TNRC18: variants seen among roughly 807,000 people sequenced by gnomAD.
TNRC18 encodes trinucleotide repeat-containing gene 18 protein.
TNRC18 carries 69 observed loss-of-function variants against 226.7 expected under a neutral mutation model. The ratio of observed to expected loss-of-function variants is 0.30; its 90% confidence interval spans 0.25 to 0.37. The LOEUF is 0.37. Among genes scored for constraint, TNRC18 ranks in the 10% least tolerant of loss-of-function variants. The pLI is 1.00. For missense variants in TNRC18, 4,754 were observed against 4,256.6 expected, an observed-to-expected ratio of 1.12 and a Z score of -3.25; for synonymous variants, 2,449 against 1,927.6, an observed-to-expected ratio of 1.27 and a Z score of -7.09.
At position 5,312,950 on chromosome 7, in the gene TNRC18, GGAAGAC is replaced by G. The variant is rs746794817; in HGVS notation, c.7935_7940del (p.Ser2670_Ser2671del). 60 of 1,354,656 alleles carry G rather than the reference GGAAGAC, an allele frequency of 4.4e-5. No homozygotes were observed. Among genetic ancestry groups the G allele is most frequent in the African/African-American group, 1.0e-4 (7 of 69,198 alleles). The allele number at this position is 1,354,656 out of a possible 1,614,324, so 83.9% of individuals were successfully genotyped here. ...AGGAAGAGGAGGAGGAGGAAGAGGA[GGAAGAC>G]GAAGAGGAAGAGGAGGAGGAGGAAG... On this transcript the variant is annotated inframe_deletion, in exon 27 of 30. Transcript: ENST00000430969. The surrounding 1 kb of genome is among the most constrained non-coding windows in gnomAD (Gnocchi z 6.3).
At chr7:5,354,012 G>A (rs1481073376) in intron 16 of TNRC18, among the ~76,000 whole-genome samples, 3 of 152,040 alleles carry the variant, frequency 2.0e-5, no homozygotes, top group Admixed American at 1.3e-4. Flanking sequence ...AGACCAGCCT[G>A]GCCAATGTGG....
intron 5 of TNRC18, among the ~76,000 whole-genome samples, chr7:5,380,969 C>G (rs1379284975): frequency 6.6e-5 from 10 of 152,166 alleles, no homozygotes; most frequent in African/African-American, 2.4e-4. Flanking sequence ...TCTCCCCGTG[C>G]CCCCAGAAGA....
At position 5,308,933 on chromosome 7, in the gene TNRC18, G is replaced by A; in HGVS notation, c.8642C>T (p.Ser2881Phe). Residue 2881 changes from serine (S) to phenylalanine (F), a missense_variant, in exon 29 of 30, where the codon TCC (serine) becomes TTC (phenylalanine). Coordinates refer to ENST00000430969, the MANE Select transcript of TNRC18 (RefSeq NM_001080495.3). ...FHQGQHWDQKSSRSLPAALRV... is the reference protein window; with the variant it reads ...FHQGQHWDQKFSRSLPAALRV... Reference sequence around the variant, plus strand: ...CAGGGCCGCCGGGAGGCTGCGGCTGGACTTCTGGTCCCAGTGCTGTGTGGG... The same window carrying A: ...CAGGGCCGCCGGGAGGCTGCGGCTGAACTTCTGGTCCCAGTGCTGTGTGGG... 1.2e-6 allele frequency: 2 copies of A among 1,605,438 alleles called. No individual in the cohort carries two copies. The highest frequency in any genetic ancestry group is 1.7e-6 in the Non-Finnish European group (2 of 1,177,552).
At position 5,307,858 on chromosome 7, in the gene TNRC18, C is replaced by G. The variant is rs1786707528; in HGVS notation, c.*248G>C. On this transcript the variant is annotated 3_prime_UTR_variant, in exon 30 of 30. Coordinates refer to ENST00000430969, the MANE Select transcript of TNRC18 (RefSeq NM_001080495.3). ...GGCCGGTCCGGCCATACCCTGATAG[C>G]TAAGAGGGGCCCCTGTCCTGGGGGC... 3.6e-6 allele frequency: 2 copies of G among 555,170 alleles called. No homozygotes were observed. Among genetic ancestry groups the G allele is most frequent in the African/African-American group, 1.9e-5 (1 of 52,828 alleles). The allele number at this position is 555,170 out of a possible 1,614,324, so 34.4% of individuals were successfully genotyped here.
In TNRC18 at chr7:5,377,961, A is replaced by C. The variant is rs367558454; in HGVS notation, c.2216T>G (p.Leu739Arg). The change falls in exon 6 of 30, where the codon CTC becomes CGC. Residue 739 changes from leucine to arginine, a missense_variant. Physicochemically the swap from Leu to Arg is moderately radical, Grantham distance 102 (BLOSUM62 -2). Coordinates refer to ENST00000430969, the MANE Select transcript of TNRC18 (RefSeq NM_001080495.3). This position sits in a 1 kb window ranked among gnomAD's most constrained non-coding sequence, Gnocchi z 5.8. Reference protein sequence around the residue: ...DRARHREERLLGARLDRDQEK... With the variant: ...DRARHREERLRGARLDRDQEK... ...CTGATCCCGGTCCAGCCGTGCCCCGAGCAGCCGTTCCTCCCGGTGTCTGGC... is the reference window on the plus strand; with the variant it reads ...CTGATCCCGGTCCAGCCGTGCCCCGCGCAGCCGTTCCTCCCGGTGTCTGGC... The C allele has an allele frequency of 8.3e-5, 134 of 1,612,526 alleles. No individual in the cohort carries two copies. Among genetic ancestry groups the C allele is most frequent in the Non-Finnish European group, 1.1e-4 (130 of 1,179,576 alleles).
chr7:5,399,854 CCCCCCG>C (rs1181339944), intron 2 of TNRC18, among the ~76,000 whole-genome samples: 1 of 151,358 alleles, frequency 6.6e-6, no homozygotes, highest in Non-Finnish European at 1.5e-5. Context: ...GCGAAAACCA[CCCCCCG>C]CCCCCGCCCC....
Position 5,325,569 on chromosome 7 carries a change from A to G in TNRC18, c.6148-321T>C, listed in dbSNP as rs188128057. On this transcript the variant is annotated intron_variant, in intron 19 of 29. Transcript: ENST00000430969. Reference sequence around the variant, plus strand: ...CTCCCGAGTAGCTGGGACTACAGGCACCCGCCACCACACCTGGCTAATGTT... The same window carrying G: ...CTCCCGAGTAGCTGGGACTACAGGCGCCCGCCACCACACCTGGCTAATGTT... 4.5e-4 allele frequency: 132 copies of G among 295,298 alleles called. 1 individual carries two copies. The East Asian group carries it at 9.7e-3, about 22-fold the overall frequency. The allele number at this position is 295,298 out of a possible 1,614,324, so 18.3% of individuals were successfully genotyped here. A position where few individuals can be genotyped will look rare whatever the true frequency, so the allele number is the denominator to read the frequency against.
In TNRC18 at chr7:5,388,458, G is replaced by A; in HGVS notation, c.1366C>T (p.Pro456Ser). ...TCCTTGGCAGGCACGTAGGCGCGGG[G>A]GTCCGGGGAGGCGCGTGTGGCCCGC... ...TVRATRASPD[P>S]RAYVPAKELL... Residue 456 changes from proline (P) to serine (S), a missense_variant, in exon 5 of 30, where the codon CCC becomes TCC. Pro to Ser is a moderately conservative substitution (Grantham distance 74). Transcript: ENST00000430969. 2.8e-6 allele frequency: 4 copies of A among 1,441,716 alleles called. No homozygotes were observed. Among genetic ancestry groups the A allele is most frequent in the Non-Finnish European group, 1.8e-6 (2 of 1,109,996 alleles). The allele number at this position is 1,441,716 out of a possible 1,614,324, so 89.3% of individuals were successfully genotyped here. A position where few individuals can be genotyped will look rare whatever the true frequency, so the allele number is the denominator to read the frequency against.
chr7:5,341,312 G>A lies in TNRC18; in HGVS notation c.5719+4250C>T, dbSNP rs534811113. Among the ~76,000 whole-genome samples, 23 of 151,476 alleles carry A rather than the reference G, an allele frequency of 1.5e-4. No homozygotes were observed. The East Asian group carries it at 2.7e-3, about 18-fold the overall frequency. ...CGGGCACCTGTAGTCTCACCTACTC[G>A]GGAGGCTGAGGCAGGAGAATGGCAT... On this transcript the variant is annotated intron_variant, in intron 18 of 29. Transcript: ENST00000430969.
intron 18 of TNRC18, among the ~76,000 whole-genome samples, chr7:5,338,653 G>C (rs543778318): frequency 6.7e-6 from 1 of 148,704 alleles, no homozygotes; most frequent in East Asian, 2.0e-4. Flanking sequence ...CGGCACAGTA[G>C]CTCACGCCTG....
At chr7:5,349,298 C>T (rs1791535363) in intron 17 of TNRC18, among the ~76,000 whole-genome samples, 1 of 152,122 alleles carries the variant, frequency 6.6e-6, no homozygotes, top group Non-Finnish European at 1.5e-5. Flanking sequence ...GCTCTGAGGA[C>T]CAAGAAAACC....
Position 5,389,154 on chromosome 7 carries a change from CCTT to C in TNRC18, c.667_669del (p.Lys223del), listed in dbSNP as rs1057183213. On this transcript the variant is annotated inframe_deletion, in exon 5 of 30. Coordinates refer to ENST00000430969, the MANE Select transcript of TNRC18 (RefSeq NM_001080495.3). Reference sequence around the variant, plus strand: ...GCCTCCTCGCCCCGGGCGCGCGGGTCCTTCTTGCCGAAAAGCGGAGGCGGCTCC... The same window carrying C: ...GCCTCCTCGCCCCGGGCGCGCGGGTCCTTGCCGAAAAGCGGAGGCGGCTCC... The C allele has an allele frequency of 2.3e-6, 3 of 1,327,866 alleles. No individual in the cohort carries two copies. Among genetic ancestry groups the C allele is most frequent in the Middle Eastern group, 2.8e-4 (1 of 3,622 alleles). The allele number at this position is 1,327,866 out of a possible 1,614,324, so 82.3% of individuals were successfully genotyped here.
intron 2 of TNRC18, among the ~76,000 whole-genome samples, chr7:5,405,586 C>T (rs936826994): frequency 6.6e-6 from 1 of 150,690 alleles, no homozygotes; most frequent in African/African-American, 2.4e-5. Context: ...CAAAACAAAA[C>T]AAAACAAAAA....
chr7:5,415,020 G>T (rs1039438159), intron 2 of TNRC18, among the ~76,000 whole-genome samples: 1 of 152,094 alleles, frequency 6.6e-6, no homozygotes, highest in African/African-American at 2.4e-5. Flanking sequence ...GACCAGTTCT[G>T]TGAAATGTCC....
intron 11 of TNRC18, among the ~76,000 whole-genome samples, chr7:5,368,664 CAAAAA>C (rs534524701): frequency 1.2e-5 from 1 of 82,532 alleles, no homozygotes. Context: ...GACTCTGTCT[CAAAAA>C]AAAAAAAAAA....
At chr7:5,325,374 A>T in intron 19 of TNRC18, 126 bp from the exon 20 acceptor site, 1 of 1,041,782 alleles carries the variant, frequency 9.6e-7, no homozygotes, top group Non-Finnish European at 1.4e-6. Context: ...CAGGAGGAAC[A>T]AAACACCCCT....
At chr7:5,400,419 G>T (rs1021554045) in intron 2 of TNRC18, among the ~76,000 whole-genome samples, 7 of 151,984 alleles carry the variant, frequency 4.6e-5, no homozygotes, top group Non-Finnish European at 1.0e-4. Context: ...AGACCAGCCT[G>T]ACCAACATGG....
At chr7:5,333,074 G>C in intron 18 of TNRC18, 25 bp from the exon 19 acceptor site, 2 of 1,554,128 alleles carry the variant, frequency 1.3e-6, no homozygotes, top group Non-Finnish European at 1.7e-6. Context: ...AGGGCGTGCT[G>C]GTCACAGCCT....
chr7:5,327,829 T>TA (rs1387720497), intron 19 of TNRC18, among the ~76,000 whole-genome samples: 2 of 152,098 alleles, frequency 1.3e-5, no homozygotes, highest in Non-Finnish European at 2.9e-5. Flanking sequence ...CCTGCTTTGG[T>TA]AACTATGACA....
Sources: allele counts gnomAD v4.1 joint callset (sites outside exome capture counted in the v4.1 genomes callset), GRCh38; gene constraint gnomAD v4.1.1; non-coding constraint Gnocchi (gnomAD v3.1); transcripts MANE v1.5; gene names NCBI Gene and HGNC (gene_info 2026-07-23, HGNC 2026-07-21).